Variants in HTR7 observed in about 807,000 individuals in gnomAD.
HTR7 encodes 5-HT-7.
HTR7 carries 16 observed loss-of-function variants against 34.0 expected under a neutral mutation model. The observed-to-expected ratio is 0.47, with a 90% CI of 0.32 to 0.71. The LOEUF (loss-of-function observed/expected upper bound fraction) is 0.71. Ranked by LOEUF, HTR7 falls within the 30% of genes least tolerant of loss-of-function variation. The probability of loss-of-function intolerance (pLI) is 0.04; values close to 1 mark genes in which losing one functional copy is unlikely to be tolerated. For synonymous variants in HTR7, 265 were observed against 260.2 expected, an observed-to-expected ratio of 1.02 and a Z score of -0.18; for missense variants, 504 against 625.5, an observed-to-expected ratio of 0.81 and a Z score of 2.07.
At chr10:90,805,759 T>C (rs1478823809) in intron 1 of HTR7, among the ~76,000 whole-genome samples, 1 of 152,346 alleles carries the variant, frequency 6.6e-6, no homozygotes, top group Admixed American at 6.5e-5. Context: ...CTATGTGGCA[T>C]GTGTATGTGA....
At chr10:90,823,588 G>C (rs1319459420) in intron 1 of HTR7, among the ~76,000 whole-genome samples, 1 of 152,198 alleles carries the variant, frequency 6.6e-6, no homozygotes, top group Non-Finnish European at 1.5e-5. Context: ...GCTGGAATGA[G>C]TTAAGACTCT....
intron 1 of HTR7, among the ~76,000 whole-genome samples, chr10:90,843,430 A>T (rs1030590148): frequency 2.0e-5 from 3 of 152,250 alleles, no homozygotes; most frequent in African/African-American, 7.2e-5. Context: ...AAGACTGTTT[A>T]AGATAGTCAG....
chr10:90,839,189 T>TA, intron 1 of HTR7, among the ~76,000 whole-genome samples: 1 of 152,198 alleles, frequency 6.6e-6, no homozygotes, highest in Non-Finnish European at 1.5e-5. Context: ...CTCAGAAAAC[T>TA]ATCAAATGAA....
At chr10:90,792,127 A>T (rs1564683152) in intron 1 of HTR7, among the ~76,000 whole-genome samples, 1 of 152,176 alleles carries the variant, frequency 6.6e-6, no homozygotes, top group Non-Finnish European at 1.5e-5. Flanking sequence ...CAAGTTCATT[A>T]TACAATCTCT....
At chr10:90,779,540 A>G (rs924171549) in intron 1 of HTR7, among the ~76,000 whole-genome samples, 12 of 152,234 alleles carry the variant, frequency 7.9e-5, no homozygotes, top group Middle Eastern at 3.4e-3. Flanking sequence ...ATCACAACAA[A>G]TGTACATTTT....
intron 2 of HTR7, among the ~76,000 whole-genome samples, chr10:90,744,209 A>C (rs1419210533): frequency 6.6e-6 from 1 of 150,512 alleles, no homozygotes; most frequent in African/African-American, 2.4e-5. Context: ...CAGGGGGAGC[A>C]AAGGGTTCTG....
chr10:90,837,312 G>C (rs1191243762), intron 1 of HTR7, among the ~76,000 whole-genome samples: 1 of 152,118 alleles, frequency 6.6e-6, no homozygotes. Flanking sequence ...AGTGAATAAG[G>C]ACCTCAAAGT....
intron 1 of HTR7, among the ~76,000 whole-genome samples, chr10:90,755,622 C>T (rs1018896893): frequency 1.2e-4 from 19 of 152,288 alleles, no homozygotes; most frequent in Non-Finnish European, 1.2e-4. Context: ...AGGTGTTTAA[C>T]ATCACGAGTC....
intron 1 of HTR7, among the ~76,000 whole-genome samples, chr10:90,794,507 T>G (rs1424511265): frequency 6.6e-6 from 1 of 152,216 alleles, no homozygotes; most frequent in Admixed American, 6.5e-5. Context: ...TTTTTAAATT[T>G]TTTTGAGACA....
At chr10:90,790,409 G>T (rs1269587903) in intron 1 of HTR7, among the ~76,000 whole-genome samples, 3 of 152,090 alleles carry the variant, frequency 2.0e-5, no homozygotes, top group Admixed American at 6.6e-5. Context: ...GTTTTGATTT[G>T]TTCTTTTAAT....
intron 1 of HTR7, among the ~76,000 whole-genome samples, chr10:90,811,525 C>T (rs1249129118): frequency 6.6e-6 from 1 of 152,092 alleles, no homozygotes; most frequent in Non-Finnish European, 1.5e-5. Context: ...TCGCCACACA[C>T]CAGCAAAGGC....
intron 1 of HTR7, among the ~76,000 whole-genome samples, chr10:90,766,743 CTTATAG>C (rs908890212): frequency 7.9e-5 from 12 of 152,282 alleles, no homozygotes; most frequent in Non-Finnish European, 1.2e-4. Flanking sequence ...CATAAAATAT[CTTATAG>C]TTATAGCATC....
intron 1 of HTR7, among the ~76,000 whole-genome samples, chr10:90,778,190 A>G (rs548241725): frequency 6.6e-6 from 1 of 152,200 alleles, no homozygotes; most frequent in South Asian, 2.1e-4. Context: ...CCCTTCAGAA[A>G]CTCATGTTGA....
intron 1 of HTR7, among the ~76,000 whole-genome samples, chr10:90,769,650 T>C (rs1296174884): frequency 6.6e-6 from 1 of 152,184 alleles, no homozygotes; most frequent in African/African-American, 2.4e-5. Flanking sequence ...TATAACCAAA[T>C]ATGCACTTTA....
intron 1 of HTR7, among the ~76,000 whole-genome samples, chr10:90,850,545 A>G (rs1345528088): frequency 6.6e-6 from 1 of 152,246 alleles, no homozygotes; most frequent in Non-Finnish European, 1.5e-5. Flanking sequence ...AGAGAAAAAA[A>G]CAGATCACAC....
At chr10:90,829,227 C>T (rs1236751933) in intron 1 of HTR7, among the ~76,000 whole-genome samples, 2 of 152,126 alleles carry the variant, frequency 1.3e-5, no homozygotes, top group East Asian at 3.8e-4. Flanking sequence ...CCTCAAAAAA[C>T]TGAGTGTAGA....
chr10:90,842,223 C>T (rs1438750800), intron 1 of HTR7, among the ~76,000 whole-genome samples: 2 of 152,076 alleles, frequency 1.3e-5, no homozygotes, highest in African/African-American at 2.4e-5. Context: ...GGCCCTTTTG[C>T]CCTCTGTTCT....
intron 1 of HTR7, among the ~76,000 whole-genome samples, chr10:90,816,463 T>G (rs1845901109): frequency 6.6e-6 from 1 of 152,236 alleles, no homozygotes; most frequent in Admixed American, 6.5e-5. Context: ...GGATTCCAGC[T>G]GTGACTTTTG....
chr10:90,755,337 CACA>C (rs1429461457), intron 1 of HTR7, among the ~76,000 whole-genome samples: 3 of 152,056 alleles, frequency 2.0e-5, no homozygotes, highest in Admixed American at 6.5e-5. Context: ...ATGCATAATA[CACA>C]ACAAGGTTTT....
Sources: gnomAD v4.1 joint callset for allele counts (sites outside exome capture counted in the v4.1 genomes callset) on GRCh38, gnomAD v4.1.1 for gene constraint, MANE v1.5 for transcripts, NCBI Gene and HGNC (gene_info 2026-07-23, HGNC 2026-07-21) for gene names.